Variants in VIRMA observed in about 807,000 individuals in gnomAD.
VIRMA encodes the protein vir like m6A methyltransferase associated.
VIRMA carries 65 observed loss-of-function variants against 182.4 expected under a neutral mutation model. The ratio of observed to expected loss-of-function variants is 0.36; its 90% CI spans 0.29 to 0.44. The LOEUF (loss-of-function observed/expected upper bound fraction) is 0.44, where lower values mean the gene tolerates loss of function less well. VIRMA is among the 20% of genes least tolerant of loss of function. The pLI is 1.00. For missense variants in VIRMA, 1,752 were observed against 2,158.1 expected (o/e 0.81, Z 3.73); for synonymous variants, 709 against 743.1 (o/e 0.95, Z 0.75).
intron 1 of VIRMA, among the ~76,000 whole-genome samples, chr8:94,544,598 T>G (rs1815694764): frequency 6.7e-6 from 1 of 149,548 alleles, no homozygotes; most frequent in South Asian, 2.1e-4. Context: ...GAGGCAGAGC[T>G]TGCAGTGTGC....
At chr8:94,492,084 ATTTCATTG>A (rs1431383877) in intron 21 of VIRMA, among the ~76,000 whole-genome samples, 175 bp from the exon 22 acceptor site, 1 of 152,076 alleles carries the variant, frequency 6.6e-6, no homozygotes, top group Non-Finnish European at 1.5e-5. Context: ...AAGTACTCAC[ATTTCATTG>A]TTATGAATAA....
chr8:94,518,890 CCT>C, intron 9 of VIRMA, 93 bp downstream of exon 9: 1 of 1,125,740 alleles, frequency 8.9e-7, no homozygotes, highest in East Asian at 2.4e-5. Context: ...ATAGTTTTTC[CCT>C]CTCAAAATAA....
chr8:94,503,479 T>C (rs1438940388), intron 16 of VIRMA, among the ~76,000 whole-genome samples: 2 of 152,058 alleles, frequency 1.3e-5, no homozygotes, highest in African/African-American at 2.4e-5. Flanking sequence ...TTGAGGGACA[T>C]TCTACAAAAC....
chr8:94,506,450 A>G, intron 16 of VIRMA, 50 bp downstream of exon 16: 1 of 1,200,826 alleles, frequency 8.3e-7, no homozygotes, highest in Non-Finnish European at 1.2e-6. Flanking sequence ...GAGCAGTGAC[A>G]GAATGAAAAA....
chr8:94,505,059 CA>C (rs1166342371), intron 16 of VIRMA, among the ~76,000 whole-genome samples: 1 of 152,070 alleles, frequency 6.6e-6, no homozygotes, highest in Non-Finnish European at 1.5e-5. Flanking sequence ...AGGTGAGTTT[CA>C]AAGGACATGG....
In VIRMA at chr8:94,553,394, C is replaced by T. The variant is rs750187142; in HGVS notation, c.54G>A (p.Pro18=). ...AGTCGCCAAGCCTTACCTCAGCGCT[C>T]GGGTGTTTAAAAGTATCTAAAAATA... ...ELLFLDTFKH[P]SAEQSSHIDV... Residue 18 remains proline, a synonymous_variant, in exon 1 of 24, where the codon CCG becomes CCA. Coordinates refer to ENST00000297591, the MANE Select transcript of VIRMA (RefSeq NM_015496.5). 7 of 1,613,990 alleles carry T rather than the reference C, an allele frequency of 4.3e-6. No individual in the cohort carries two copies. The highest frequency in any genetic ancestry group is 3.3e-5 in the Admixed American group (2 of 60,008).
rs1015820322 is a variant in VIRMA at position 94,528,930 on chromosome 8, G to A, written c.880+140C>T. The A allele has an allele frequency of 1.0e-5, 10 of 995,810 alleles. No homozygotes were observed. In the Admixed American group the frequency reaches 2.4e-4, roughly 24 times the overall value. 61.7% of individuals were successfully genotyped at this position (995,810 alleles called of 1,614,324 possible). ...AGATGGAAATCTCATTTCTAGTCAT[G>A]CCTTGAGGCCTAGCTACATTCTGAC... On this transcript the variant is annotated intron_variant, in intron 7 of 23. Transcript: ENST00000297591.
chr8:94,534,147 A>T (rs1815259257), intron 5 of VIRMA: 2 of 152,236 alleles, frequency 1.3e-5, no homozygotes, highest in Admixed American at 1.3e-4. Context: ...TCTTGTTTCC[A>T]GTTAATGAGC....
chr8:94,507,685 C>T (rs1346724912), intron 15 of VIRMA, among the ~76,000 whole-genome samples: 12 of 151,660 alleles, frequency 7.9e-5, no homozygotes, highest in African/African-American at 2.9e-4. Context: ...ACCCAGGAGG[C>T]GGAGGTTGCA....
chr8:94,497,078 C>T (rs542251703), intron 17 of VIRMA: 2 of 152,326 alleles, frequency 1.3e-5, no homozygotes, highest in East Asian at 3.9e-4. Flanking sequence ...CCTACCTAAA[C>T]ATTGTATAAA....
At chr8:94,502,169 T>A (rs1481422944) in intron 16 of VIRMA, among the ~76,000 whole-genome samples, 2 of 152,166 alleles carry the variant, frequency 1.3e-5, no homozygotes, top group Non-Finnish European at 2.9e-5. Flanking sequence ...CAAGGCCTTT[T>A]ATTATTATAT....
intron 13 of VIRMA, chr8:94,510,951 C>T (rs1586079334): frequency 7.6e-7 from 1 of 1,319,912 alleles, no homozygotes; most frequent in South Asian, 1.7e-5. Context: ...AATGTAAGTA[C>T]AAACATACAT....
chr8:94,502,583 T>C (rs960702713), intron 16 of VIRMA, among the ~76,000 whole-genome samples: 4 of 152,116 alleles, frequency 2.6e-5, no homozygotes, highest in Non-Finnish European at 5.9e-5. Flanking sequence ...CTCTATCCAA[T>C]GAGACACACC....
At chr8:94,494,291 A>T (rs911529447) in intron 20 of VIRMA, among the ~76,000 whole-genome samples, 2 of 151,510 alleles carry the variant, frequency 1.3e-5, no homozygotes, top group Non-Finnish European at 2.9e-5. Flanking sequence ...TATCTATATT[A>T]AAAAAAAATT....
chr8:94,492,107 G>A (rs944371480), intron 21 of VIRMA, among the ~76,000 whole-genome samples, 198 bp from the exon 22 acceptor site: 5 of 151,990 alleles, frequency 3.3e-5, no homozygotes, highest in Admixed American at 2.6e-4. Context: ...GAATAACAAT[G>A]TTTTAAAATA....
intron 1 of VIRMA, among the ~76,000 whole-genome samples, chr8:94,552,315 C>T (rs993958791): frequency 4.6e-5 from 7 of 152,048 alleles, no homozygotes; most frequent in African/African-American, 1.7e-4. Flanking sequence ...AATCACTACC[C>T]ACTATCATTA....
intron 8 of VIRMA, among the ~76,000 whole-genome samples, chr8:94,525,314 G>C (rs889648799): frequency 1.7e-4 from 26 of 152,342 alleles, no homozygotes; most frequent in Non-Finnish European, 3.2e-4. Flanking sequence ...ATGAGCCCCA[G>C]CTGTCCACAG....
In VIRMA at chr8:94,538,265, C is replaced by G. The variant is rs1415716815; in HGVS notation, c.261G>C (p.Leu87Phe). ...ATTACCTAGCAGGTACATACCTTCC[C>G]AACCTATCGAAAACAGGGGCACTTG... ...SKPSAPVFDR[L>F]GSLEYDENTS... is the part of the protein sequence containing the mutation. Residue 87 changes from leucine (L) to phenylalanine (F), a missense_variant, in exon 3 of 24, where the codon TTG becomes TTC. Leu to Phe is a conservative substitution (Grantham distance 22). Coordinates refer to ENST00000297591, the MANE Select transcript of VIRMA (RefSeq NM_015496.5). 1 of 1,608,950 alleles carries G rather than the reference C, an allele frequency of 6.2e-7. No individual in the cohort carries two copies. Among genetic ancestry groups the G allele is most frequent in the East Asian group, 2.2e-5 (1 of 44,770 alleles).
At chr8:94,509,408 A>C (rs1442123632) in intron 15 of VIRMA, among the ~76,000 whole-genome samples, 2 of 152,110 alleles carry the variant, frequency 1.3e-5, no homozygotes, top group Non-Finnish European at 2.9e-5. Flanking sequence ...TCTCAAAAAA[A>C]AAAAAAGAAT....
Sources: gnomAD v4.1 joint callset for allele counts (sites outside exome capture counted in the v4.1 genomes callset) on GRCh38, gnomAD v4.1.1 for gene constraint, MANE v1.5 for transcripts, NCBI Gene and HGNC (gene_info 2026-07-23, HGNC 2026-07-21) for gene names.